ZNF723: variants seen among roughly 807,000 people sequenced by gnomAD.
ZNF723 encodes zinc finger protein 723, also known as zinc finger protein 723, pseudogene.
A neutral mutation model predicts 9.4 loss-of-function variants in ZNF723; 5 were observed. That is an observed-to-expected ratio of 0.53 (90% CI 0.28 to 1.12). ZNF723 has a LOEUF of 1.12. Ranked by LOEUF, ZNF723 falls within the 50% of genes most tolerant of loss-of-function variation. The probability of loss-of-function intolerance (pLI) is 0.10; values close to 1 mark genes in which losing one functional copy is unlikely to be tolerated. For synonymous variants in ZNF723, 158 were observed against 168.8 expected (o/e 0.94, Z 0.49); for missense variants, 450 against 501.5 (o/e 0.90, Z 0.98).
At chr19:22,844,713 A>T (rs1795102186) in intron 1 of ZNF723, among the ~76,000 whole-genome samples, 1 of 152,176 alleles carries the variant, frequency 6.6e-6, no homozygotes, top group African/African-American at 2.4e-5. Context: ...GCCAGAAGTA[A>T]TTGTGTTGTG....
chr19:22,837,492 C>T (rs572970190), intron 1 of ZNF723, among the ~76,000 whole-genome samples: 1 of 151,940 alleles, frequency 6.6e-6, no homozygotes, highest in Admixed American at 6.6e-5. Flanking sequence ...TGTTAACAAA[C>T]AATTTGGTGC....
intron 1 of ZNF723, among the ~76,000 whole-genome samples, chr19:22,841,317 A>T (rs535183092): frequency 6.6e-6 from 1 of 152,150 alleles, no homozygotes; most frequent in African/African-American, 2.4e-5. Context: ...TGAATTTAGG[A>T]TGAACTACAT....
At chr19:22,821,238 C>T in the ZNF723 span, among the ~76,000 whole-genome samples, 1 of 152,150 alleles carries the variant, frequency 6.6e-6, no homozygotes, top group Non-Finnish European at 1.5e-5. Context: ...GTGATTGTGA[C>T]ATATACCTTG....
At chr19:22,826,528 A>G in the ZNF723 span, among the ~76,000 whole-genome samples, 5 of 152,206 alleles carry the variant, frequency 3.3e-5, no homozygotes, top group African/African-American at 1.2e-4. Flanking sequence ...TGTGACTTTC[A>G]TATGCACACC....
chr19:22,841,597 A>T (rs1441709969), intron 1 of ZNF723, among the ~76,000 whole-genome samples: 1 of 152,182 alleles, frequency 6.6e-6, no homozygotes, highest in Non-Finnish European at 1.5e-5. Context: ...TCTAGAGGAG[A>T]CTTCCTCTCA....
At chr19:22,848,495 C>A in intron 2 of ZNF723, 108 bp downstream of exon 2, 1 of 863,144 alleles carries the variant, frequency 1.2e-6, no homozygotes, top group South Asian at 2.0e-5. Flanking sequence ...AGTTTCACAT[C>A]ACTGTTTTGA....
the ZNF723 span, among the ~76,000 whole-genome samples, chr19:22,819,960 T>C: frequency 6.6e-6 from 1 of 152,130 alleles, no homozygotes; most frequent in Non-Finnish European, 1.5e-5. Flanking sequence ...CAGCATACTA[T>C]GACATGTCTT....
intron 1 of ZNF723, among the ~76,000 whole-genome samples, chr19:22,843,979 C>T (rs1967278372): frequency 6.6e-6 from 1 of 152,094 alleles, no homozygotes; most frequent in African/African-American, 2.4e-5. Context: ...ACATAAGGTC[C>T]ACTCCCTGCC....
At chr19:22,821,840 G>A in the ZNF723 span, among the ~76,000 whole-genome samples, 1 of 152,210 alleles carries the variant, frequency 6.6e-6, no homozygotes, top group South Asian at 2.1e-4. Context: ...CAGGTGCAGT[G>A]GCTCATGCCT....
chr19:22,854,560 G>T (rs1369707098), intron 3 of ZNF723, among the ~76,000 whole-genome samples: 1 of 151,674 alleles, frequency 6.6e-6, no homozygotes, highest in Non-Finnish European at 1.5e-5. Flanking sequence ...TTTGATTCTT[G>T]TATCTTTGTC....
intron 1 of ZNF723, among the ~76,000 whole-genome samples, chr19:22,837,308 AAAAGAAAGAAAG>A (rs199950611): frequency 6.6e-6 from 1 of 151,490 alleles, no homozygotes; most frequent in African/African-American, 2.4e-5. Flanking sequence ...AAGAAAAAAG[AAAAGAAAGAAAG>A]AAAGAAAGGA....
At chr19:22,839,962 GTTGT>G (rs1213039708) in intron 1 of ZNF723, among the ~76,000 whole-genome samples, 2 of 151,714 alleles carry the variant, frequency 1.3e-5, no homozygotes, top group Non-Finnish European at 2.9e-5. Context: ...TTTTAATAAG[GTTGT>G]TTGTTTTTCC....
chr19:22,848,138 G>T lies in ZNF723; in HGVS notation c.4-123G>T, dbSNP rs567344526. 49 of 426,134 alleles carry T rather than the reference G, an allele frequency of 1.1e-4. No homozygotes were observed. In the South Asian group the frequency reaches 3.2e-3, roughly 28 times the overall value. The allele number at this position is 426,134 out of a possible 1,614,324, so 26.4% of individuals were successfully genotyped here. ...AAAAAAAAATTATTGGAGGATTTCA[G>T]TCATTCCTATAAGTCAGAACCTGTT... On this transcript the variant is annotated intron_variant, in intron 1 of 3. Coordinates refer to ENST00000600766, the MANE Select transcript of ZNF723 (RefSeq NM_001349726.2).
chr19:22,837,582 A>T (rs935387437), intron 1 of ZNF723, among the ~76,000 whole-genome samples: 5 of 152,164 alleles, frequency 3.3e-5, no homozygotes, highest in African/African-American at 4.8e-5. Context: ...TCCTGTACAC[A>T]GGCCGTCACA....
chr19:22,848,378 G>C lies in ZNF723; in HGVS notation c.121G>C (p.Val41Leu). Residue 41 changes from valine (V) to leucine (L), a missense_variant, in exon 2 of 4, where the codon GTC becomes CTC. By Grantham distance (32) the Val-to-Leu change is conservative. This residue lies in a region of ZNF723 where 8 missense variants were observed against 25.7 expected (regional missense o/e 0.31). Transcript: ENST00000600766. Reference sequence around the variant, plus strand: ...GATGTTAGAGAACTACAGAAACCTGGTCTTCCTGGGTGAGAATAACTTCAA... The same window carrying C: ...GATGTTAGAGAACTACAGAAACCTGCTCTTCCTGGGTGAGAATAACTTCAA... ...DVMLENYRNLVFLGVGVSKPD... is the reference protein window; with the variant it reads ...DVMLENYRNLLFLGVGVSKPD... 1 of 1,455,544 alleles carries C rather than the reference G, an allele frequency of 6.9e-7. No individual in the cohort carries two copies. The highest frequency in any genetic ancestry group is 1.7e-4 in the Middle Eastern group (1 of 5,736). 90.2% of individuals were successfully genotyped at this position (1,455,544 alleles called of 1,614,324 possible). A position where few individuals can be genotyped will look rare whatever the true frequency, so the allele number is the denominator to read the frequency against.
the ZNF723 span, among the ~76,000 whole-genome samples, chr19:22,812,958 G>GTTTA: frequency 1.3e-5 from 2 of 150,554 alleles, no homozygotes; most frequent in Non-Finnish European, 1.5e-5. Context: ...TGTTTTTTTT[G>GTTTA]TTTGTTTGTT....
chr19:22,834,981 G>C (rs995728546), intron 1 of ZNF723, among the ~76,000 whole-genome samples: 3 of 152,064 alleles, frequency 2.0e-5, no homozygotes, highest in Non-Finnish European at 2.9e-5. Flanking sequence ...TGAGCAGGGT[G>C]GGGTGGGAGA....
At chr19:22,852,755 T>C (rs1356661807) in intron 3 of ZNF723, among the ~76,000 whole-genome samples, 3 of 152,164 alleles carry the variant, frequency 2.0e-5, no homozygotes, top group Non-Finnish European at 2.9e-5. Context: ...ATGCAACATA[T>C]CCCTAGAATG....
At position 22,858,302 on chromosome 19, in the gene ZNF723, CATAAG is replaced by C. The variant is rs1389829949; in HGVS notation, c.1416_1420del (p.Lys472AsnfsTer4). On this transcript the variant is annotated frameshift_variant, in exon 4 of 4. Coordinates refer to ENST00000600766, the MANE Select transcript of ZNF723 (RefSeq NM_001349726.2). LOFTEE classifies it low-confidence loss of function (END_TRUNC). ...TAACCAATATTCAACCCTTAATAAA[CATAAG>C]ATAATTCATGCTAGAGAGAAGCCTT... is the stretch of plus-strand genomic sequence containing the variant. 5 of 1,203,248 alleles carry C rather than the reference CATAAG, an allele frequency of 4.2e-6. No individual in the cohort carries two copies. Among genetic ancestry groups the C allele is most frequent in the African/African-American group, 3.0e-5 (2 of 66,904 alleles). 74.5% of individuals were successfully genotyped at this position (1,203,248 alleles called of 1,614,324 possible).
Sources: allele counts gnomAD v4.1 joint callset (sites outside exome capture counted in the v4.1 genomes callset), GRCh38; gene constraint gnomAD v4.1.1; regional missense constraint gnomAD v4.1.1; transcripts MANE v1.5; gene names NCBI Gene and HGNC (gene_info 2026-07-23, HGNC 2026-07-21).